The following RBM28 variants were observed in gnomAD, a reference collection of about 807,000 sequenced individuals.
RBM28 encodes the protein RNA binding motif protein 28.
In RBM28, 78 loss-of-function variants were observed where a neutral mutation model predicts 98.3. The observed-to-expected ratio is 0.79, with a 90% CI of 0.66 to 0.96. The LOEUF is 0.96. RBM28 is among the 40% of genes least tolerant of loss of function. The pLI is 0.00. For missense variants in RBM28, 838 were observed against 913.0 expected (o/e 0.92, Z 1.06); for synonymous variants, 306 against 330.9 (o/e 0.92, Z 0.82).
chr7:128,315,163 T>G, intron 16 of RBM28, 143 bp from the exon 17 acceptor site: 1 of 1,235,928 alleles, frequency 8.1e-7, no homozygotes, highest in Non-Finnish European at 1.2e-6. Context: ...GGAAAGTGAA[T>G]ACATGTAGAT....
chr7:128,328,802 G>A (rs955937623), intron 10 of RBM28, among the ~76,000 whole-genome samples: 6 of 152,152 alleles, frequency 3.9e-5, no homozygotes, highest in Non-Finnish European at 8.8e-5. Flanking sequence ...GGTACCTTAA[G>A]TGATTACTCA....
rs150377474 is a variant in RBM28, at chr7:128,322,349, G to A, written c.1405-925C>T. 1.5e-3 allele frequency among the ~76,000 whole-genome samples: 224 copies of A among 152,296 alleles called. 1 individual carries two copies. Among genetic ancestry groups the A allele is most frequent in the African/African-American group, 4.1e-3 (169 of 41,538 alleles). On this transcript the variant is annotated intron_variant, in intron 13 of 18. Transcript: ENST00000223073. ...GCGTGATCTGTGTCTAAAATGAAAT[G>A]AAAGATGACATTCTTCTCCCAATTA...
At chr7:128,318,172 T>G in intron 14 of RBM28, 66 bp from the exon 15 acceptor site, 1 of 1,464,924 alleles carries the variant, frequency 6.8e-7, no homozygotes, top group Non-Finnish European at 9.5e-7. Context: ...CATGAACTGC[T>G]TTAATAGAGT....
At position 128,324,051 on chromosome 7, in the gene RBM28, G is replaced by A. The variant is rs146711989; in HGVS notation, c.1340-460C>T. 3.2e-3 allele frequency among the ~76,000 whole-genome samples: 483 copies of A among 152,328 alleles called. 3 individuals carry two copies. Among genetic ancestry groups the A allele is most frequent in the African/African-American group, 0.011 (459 of 41,574 alleles). The stretch of plus-strand genomic sequence containing the variant: ...TATGTTGCCATAGAAGGCTGGTGTC[G>A]AAGGCTAAAGGACATTACTAGTACA... On this transcript the variant is annotated intron_variant, in intron 12 of 18. Transcript: ENST00000223073.
At chr7:128,321,496 GA>G (rs1796233600) in intron 13 of RBM28, 72 bp from the exon 14 acceptor site, 49 of 1,570,880 alleles carry the variant, frequency 3.1e-5, no homozygotes, top group Non-Finnish European at 3.9e-5. Flanking sequence ...TCTCCAAAAG[GA>G]AAGAATTATG....
At chr7:128,340,726 A>G (rs564082126) in intron 1 of RBM28, among the ~76,000 whole-genome samples, 41 of 152,356 alleles carry the variant, frequency 2.7e-4, no homozygotes, top group Non-Finnish European at 5.7e-4. Context: ...TGTTATGACC[A>G]CTATTACCAA....
At chr7:128,317,046 G>A (rs375229005) in intron 16 of RBM28, among the ~76,000 whole-genome samples, 115 of 152,310 alleles carry the variant, frequency 7.6e-4, no homozygotes, top group African/African-American at 2.6e-3. Context: ...TACTGACTGC[G>A]TGCTGACCAT....
At chr7:128,340,888 T>C (rs948085406) in intron 1 of RBM28, among the ~76,000 whole-genome samples, 4 of 152,222 alleles carry the variant, frequency 2.6e-5, no homozygotes, top group African/African-American at 7.2e-5. Context: ...AGTAAGTGAA[T>C]TGGTTAATGT....
rs1795941054 is a variant in RBM28, at chr7:128,309,755, A to G, written c.*1042T>C. ...GGAAGAGCTCCAGGAGGAGGCGACA[A>G]CTAGTGGAGATCTGAGTGACAAGTA... is the stretch of plus-strand genomic sequence containing the variant. On this transcript the variant is annotated 3_prime_UTR_variant, in exon 19 of 19. Coordinates refer to ENST00000223073, the MANE Select transcript of RBM28 (RefSeq NM_018077.3). The G allele has an allele frequency of 6.6e-6, 1 of 152,260 alleles. No individual in the cohort carries two copies. The highest frequency in any genetic ancestry group is 2.4e-5 in the African/African-American group (1 of 41,430). The allele number at this position is 152,260 out of a possible 1,614,324, so 9.4% of individuals were successfully genotyped here.
intron 10 of RBM28, among the ~76,000 whole-genome samples, chr7:128,329,430 CAA>C (rs1270795060): frequency 6.6e-6 from 1 of 151,882 alleles, no homozygotes; most frequent in East Asian, 1.9e-4. Flanking sequence ...GAGTAAAAAT[CAA>C]AAGTGATTAG....
chr7:128,339,119 A>G, intron 3 of RBM28, 108 bp downstream of exon 3: 1 of 1,044,348 alleles, frequency 9.6e-7, no homozygotes, highest in South Asian at 1.3e-5. Flanking sequence ...TGATTCCCAG[A>G]AGGAATTAAG....
At chr7:128,327,638 T>A (rs1457098981) in intron 10 of RBM28, among the ~76,000 whole-genome samples, 1 of 152,026 alleles carries the variant, frequency 6.6e-6, no homozygotes, top group Non-Finnish European at 1.5e-5. Flanking sequence ...GTAGCTGAGA[T>A]TACAGGCAGG....
Position 128,343,865 on chromosome 7 carries a change from T to A in RBM28, c.-72A>T. 1 of 1,120,048 alleles carries A rather than the reference T, an allele frequency of 8.9e-7. No individual in the cohort carries two copies. 69.4% of individuals were successfully genotyped at this position (1,120,048 alleles called of 1,614,324 possible). A position where few individuals can be genotyped will look rare whatever the true frequency, so the allele number is the denominator to read the frequency against. On this transcript the variant is annotated 5_prime_UTR_variant, in exon 1 of 19. The change creates a new upstream start codon in the 5' untranslated region. Coordinates refer to ENST00000223073, the MANE Select transcript of RBM28 (RefSeq NM_018077.3). ...GGCGCACGCGAGCCGAAACGCTGGC[T>A]TTGGTAGGACAACCAAGCTCACACG...
At chr7:128,319,109 A>G (rs1796167662) in intron 14 of RBM28, among the ~76,000 whole-genome samples, 1 of 152,154 alleles carries the variant, frequency 6.6e-6, no homozygotes, top group African/African-American at 2.4e-5. Flanking sequence ...TGCCATTACT[A>G]CCAAAGCTGT....
chr7:128,318,886 G>C (rs771174585), intron 14 of RBM28, among the ~76,000 whole-genome samples: 1 of 152,174 alleles, frequency 6.6e-6, no homozygotes, highest in Non-Finnish European at 1.5e-5. Flanking sequence ...AAGGAGGAAG[G>C]CCTGATGGCT....
At chr7:128,327,826 G>T (rs962393711) in intron 10 of RBM28, among the ~76,000 whole-genome samples, 4 of 152,168 alleles carry the variant, frequency 2.6e-5, no homozygotes, top group African/African-American at 9.7e-5. Flanking sequence ...TATAAGCAAA[G>T]AAAGTAAGTT....
At position 128,323,101 on chromosome 7, in the gene RBM28, C is replaced by T. The variant is rs565540664; in HGVS notation, c.1404+426G>A. On this transcript the variant is annotated intron_variant, in intron 13 of 18. Coordinates refer to ENST00000223073, the MANE Select transcript of RBM28 (RefSeq NM_018077.3). The stretch of plus-strand genomic sequence containing the variant: ...TTATAATCTGGAGATTATAACTCCT[C>T]CCAACTGACAGCTACCCCTTTCAAG... 2.6e-5 allele frequency among the ~76,000 whole-genome samples: 4 copies of T among 152,230 alleles called. No homozygotes were observed. In the South Asian group the frequency reaches 8.3e-4, roughly 32 times the overall value.
intron 14 of RBM28, among the ~76,000 whole-genome samples, chr7:128,319,121 G>A (rs185615476): frequency 3.2e-4 from 48 of 152,238 alleles, no homozygotes; most frequent in Middle Eastern, 3.4e-3. Flanking sequence ...CAAAGCTGTC[G>A]TTCTCATGTA....
Position 128,330,927 on chromosome 7 carries a change from T to A in RBM28, c.1021A>T (p.Asn341Tyr), listed in dbSNP as rs776044626. Reference protein sequence around the residue: ...VNEGKTVFIRNLSFDSEEEEL... With the variant: ...VNEGKTVFIRYLSFDSEEEEL... ...TCTTCTTCTGAGTCAAAGGACAGAT[T>A]TCTATGGAAGATAACCAGATGATCA... The change falls in exon 10 of 19, where the codon AAT becomes TAT. Residue 341 changes from asparagine to tyrosine, a missense_variant and splice_region_variant. Asn to Tyr is a moderately radical substitution (Grantham distance 143). Coordinates refer to ENST00000223073, the MANE Select transcript of RBM28 (RefSeq NM_018077.3). 2.5e-6 allele frequency: 4 copies of A among 1,605,740 alleles called. No homozygotes were observed. Among genetic ancestry groups the A allele is most frequent in the Admixed American group, 3.3e-5 (2 of 60,022 alleles).
Sources: gnomAD v4.1 joint callset for allele counts (sites outside exome capture counted in the v4.1 genomes callset) on GRCh38, gnomAD v4.1.1 for gene constraint, MANE v1.5 for transcripts, NCBI Gene and HGNC (gene_info 2026-07-23, HGNC 2026-07-21) for gene names.